MXI1: variants seen among roughly 807,000 people sequenced by gnomAD.
MXI1 encodes the protein max-interacting protein 1.
MXI1 carries 18 observed loss-of-function variants against 36.9 expected under a neutral mutation model. That is an observed-to-expected ratio of 0.49 (90% CI 0.34 to 0.72). MXI1 has a LOEUF of 0.72. Among genes scored for constraint, MXI1 ranks in the 30% least tolerant of loss-of-function variants. MXI1 has a pLI of 0.01. For synonymous variants in MXI1, 160 were observed against 146.7 expected (o/e 1.09, Z -0.65); for missense variants, 304 against 379.1 (o/e 0.80, Z 1.64).
chr10:110,249,187 T>C (rs1259551471), intron 3 of MXI1, among the ~76,000 whole-genome samples: 2 of 152,212 alleles, frequency 1.3e-5, no homozygotes, highest in Non-Finnish European at 2.9e-5. Flanking sequence ...TGTGATGTTA[T>C]ATGAAGATAG....
At chr10:110,264,552 G>T (rs1251298794) in intron 3 of MXI1, among the ~76,000 whole-genome samples, 1 of 151,930 alleles carries the variant, frequency 6.6e-6, no homozygotes, top group Non-Finnish European at 1.5e-5. Flanking sequence ...TTTTCATAGA[G>T]ACGGGGTTTC....
intron 5 of MXI1, among the ~76,000 whole-genome samples, chr10:110,282,574 C>G (rs1857293152): frequency 6.6e-6 from 1 of 152,110 alleles, no homozygotes; most frequent in Non-Finnish European, 1.5e-5. Context: ...TTTAGCTGTC[C>G]TTCCTGTTAC....
chr10:110,251,754 G>A (rs1190340926), intron 3 of MXI1, among the ~76,000 whole-genome samples: 1 of 152,064 alleles, frequency 6.6e-6, no homozygotes, highest in Non-Finnish European at 1.5e-5. Flanking sequence ...TTGAATATAA[G>A]AAAAGAATAA....
chr10:110,220,415 AAG>A (rs1187325055), intron 1 of MXI1, among the ~76,000 whole-genome samples: 14 of 152,240 alleles, frequency 9.2e-5, no homozygotes, highest in African/African-American at 2.4e-4. Context: ...TTGGACAGGC[AAG>A]AGAATGGTAT....
intron 5 of MXI1, among the ~76,000 whole-genome samples, chr10:110,282,982 T>C (rs1857309290): frequency 6.6e-6 from 1 of 152,106 alleles, no homozygotes; most frequent in Non-Finnish European, 1.5e-5. Context: ...TGGCCATCAT[T>C]TTACTTTATT....
At chr10:110,263,938 T>A (rs1274512557) in intron 3 of MXI1, among the ~76,000 whole-genome samples, 1 of 152,208 alleles carries the variant, frequency 6.6e-6, no homozygotes, top group Non-Finnish European at 1.5e-5. Flanking sequence ...TAATTGTCTC[T>A]CTTAGTTTAG....
At chr10:110,275,337 T>C (rs1856990121) in intron 3 of MXI1, among the ~76,000 whole-genome samples, 1 of 152,184 alleles carries the variant, frequency 6.6e-6, no homozygotes, top group South Asian at 2.1e-4. Context: ...AGGGACCAGA[T>C]GGCATCAAAA....
In MXI1 at chr10:110,262,450, G is replaced by A. The variant is rs569946819; in HGVS notation, c.438-16730G>A. On this transcript the variant is annotated intron_variant, in intron 3 of 5. Transcript: ENST00000332674. ...ACATGTATGTGTATGTAAATGCATC[G>A]AAAAGGCACACCTCAAAAGAGATGT... 4.6e-5 allele frequency among the ~76,000 whole-genome samples: 7 copies of A among 152,114 alleles called. No individual in the cohort carries two copies. The South Asian group carries it at 1.2e-3, about 27-fold the overall frequency.
At chr10:110,251,651 A>G (rs745539803) in intron 3 of MXI1, among the ~76,000 whole-genome samples, 2 of 152,192 alleles carry the variant, frequency 1.3e-5, no homozygotes, top group African/African-American at 2.4e-5. Flanking sequence ...TGTATACTGG[A>G]TTATGATATA....
At chr10:110,284,630 C>T (rs1857378061) in intron 5 of MXI1, among the ~76,000 whole-genome samples, 194 bp from the exon 6 acceptor site, 1 of 152,182 alleles carries the variant, frequency 6.6e-6, no homozygotes, top group South Asian at 2.1e-4. Flanking sequence ...ATTAAGACCA[C>T]CACTGTATAT....
intron 3 of MXI1, among the ~76,000 whole-genome samples, chr10:110,270,091 T>C (rs560551323): frequency 6.6e-6 from 1 of 152,370 alleles, no homozygotes; most frequent in East Asian, 1.9e-4. Context: ...GGAGTATCCC[T>C]TCCCTCTACC....
intron 3 of MXI1, among the ~76,000 whole-genome samples, chr10:110,266,110 C>CT (rs1480420323): frequency 7.1e-6 from 1 of 140,046 alleles, no homozygotes; most frequent in Non-Finnish European, 1.5e-5. Flanking sequence ...TTTTTCTTTT[C>CT]TTTCTTTTTT....
chr10:110,208,354 CGGGGGAGT>C lies in MXI1; in HGVS notation c.274+274_274+281del, dbSNP rs1386034000. 2.2e-5 allele frequency: 6 copies of C among 278,494 alleles called. No homozygotes were observed. In the East Asian group the frequency reaches 5.6e-4, roughly 26 times the overall value. The allele number at this position is 278,494 out of a possible 1,614,324, so 17.3% of individuals were successfully genotyped here. On this transcript the variant is annotated intron_variant, in intron 1 of 5. Coordinates refer to ENST00000332674, the MANE Select transcript of MXI1 (RefSeq NM_130439.3). ...CTGGGAGGATGGCCCAGCGGAGGAGCGGGGGAGTGTTGTTGTTTGCTGACAACTGAGCC... is the reference window on the plus strand; with the variant it reads ...CTGGGAGGATGGCCCAGCGGAGGAGCGTTGTTGTTTGCTGACAACTGAGCC...
At chr10:110,226,215 A>C in intron 1 of MXI1, 1 of 1,481,582 alleles carries the variant, frequency 6.7e-7, no homozygotes, top group Non-Finnish European at 9.0e-7. Flanking sequence ...GTGCCCATGG[A>C]GCGGGTGAAG....
chr10:110,228,846 T>C (rs1047494745), intron 2 of MXI1, among the ~76,000 whole-genome samples: 10 of 152,172 alleles, frequency 6.6e-5, no homozygotes, highest in African/African-American at 2.4e-4. Context: ...GATTGGTTGG[T>C]GGGCTCTTAA....
intron 3 of MXI1, among the ~76,000 whole-genome samples, chr10:110,264,919 G>A (rs1856636370): frequency 6.6e-6 from 1 of 152,050 alleles, no homozygotes; most frequent in Non-Finnish European, 1.5e-5. Flanking sequence ...GTGCTGGTTA[G>A]TGCTTTATGT....
intron 3 of MXI1, among the ~76,000 whole-genome samples, chr10:110,274,313 C>T (rs576146571): frequency 6.6e-6 from 1 of 151,958 alleles, no homozygotes; most frequent in Non-Finnish European, 1.5e-5. Flanking sequence ...TGGGAATTAC[C>T]TTTTCCCCTG....
In MXI1 at chr10:110,217,247, AAC is replaced by A. The variant is rs755515398; in HGVS notation, c.274+9170_274+9171del. Among the ~76,000 whole-genome samples the A allele has an allele frequency of 3.9e-5, 6 of 152,328 alleles. No homozygotes were observed. In the East Asian group the frequency reaches 1.2e-3, roughly 29 times the overall value. ...TAGACACAGCAAAATTAGAAAGATA[AAC>A]ACACTGTCCGGAGGGAGAGGGAGAT... is the stretch of plus-strand genomic sequence containing the variant. On this transcript the variant is annotated intron_variant, in intron 1 of 5. Coordinates refer to ENST00000332674, the MANE Select transcript of MXI1 (RefSeq NM_130439.3).
chr10:110,283,907 C>A (rs973051502), intron 5 of MXI1, among the ~76,000 whole-genome samples: 2 of 151,654 alleles, frequency 1.3e-5, no homozygotes, highest in Admixed American at 6.6e-5. Context: ...CTTGGCCTCC[C>A]GAGTAGCTGG....
Sources: allele counts gnomAD v4.1 joint callset (sites outside exome capture counted in the v4.1 genomes callset), GRCh38; gene constraint gnomAD v4.1.1; transcripts MANE v1.5; gene names NCBI Gene and HGNC (gene_info 2026-07-23, HGNC 2026-07-21).